KSR2: variants seen among roughly 807,000 people sequenced by gnomAD.
The protein encoded by KSR2 is kinase suppressor of ras 2.
KSR2 carries 25 observed loss-of-function variants against 107.8 expected under a neutral mutation model. That is an observed-to-expected ratio of 0.23 (90% confidence interval 0.17 to 0.32). The LOEUF is 0.32. Ranked by LOEUF, KSR2 falls within the 10% of genes least tolerant of loss-of-function variation. The pLI, the probability that KSR2 is intolerant of heterozygous loss-of-function variation, is 1.00. For missense variants in KSR2, 887 were observed against 1,268.9 expected, an observed-to-expected ratio of 0.70 and a Z score of 4.57; for synonymous variants, 480 against 507.0, an observed-to-expected ratio of 0.95 and a Z score of 0.71.
intron 3 of KSR2, among the ~76,000 whole-genome samples, chr12:117,761,989 A>T (rs1378647564): frequency 2.0e-5 from 3 of 152,168 alleles, no homozygotes; most frequent in Admixed American, 6.5e-5. Flanking sequence ...TCATAAGTAC[A>T]TTTACATAAA....
intron 5 of KSR2, among the ~76,000 whole-genome samples, chr12:117,595,011 G>A (rs891346809): frequency 2.0e-5 from 3 of 152,156 alleles, no homozygotes; most frequent in African/African-American, 7.2e-5. Context: ...TCCATCGCCT[G>A]ATACAATCCA....
chr12:117,507,491 T>C (rs1361510553), intron 14 of KSR2, among the ~76,000 whole-genome samples: 1 of 152,198 alleles, frequency 6.6e-6, no homozygotes, highest in Non-Finnish European at 1.5e-5. Flanking sequence ...AAATGTCAAA[T>C]TCAGACTGGA....
chr12:117,947,205 A>AAAAGAAAG (rs773449400), intron 1 of KSR2, among the ~76,000 whole-genome samples: 2,391 of 69,022 alleles, frequency 0.035, 49 homozygotes, highest in East Asian at 0.095. Context: ...GAAAAGAAAG[A>AAAAGAAAG]AAAGAAAGAA....
chr12:117,538,819 C>T (rs1876241977), intron 10 of KSR2, among the ~76,000 whole-genome samples: 1 of 152,190 alleles, frequency 6.6e-6, no homozygotes, highest in Admixed American at 6.5e-5. Flanking sequence ...GACTCTGGTT[C>T]CAACTGGCCA....
intron 14 of KSR2, among the ~76,000 whole-genome samples, chr12:117,524,370 A>C (rs909302481): frequency 1.3e-5 from 2 of 152,198 alleles, no homozygotes; most frequent in African/African-American, 4.8e-5. Context: ...TAGCATTAAA[A>C]ATATTTTCTG....
chr12:117,909,979 G>A (rs184902026), intron 1 of KSR2, among the ~76,000 whole-genome samples: 1 of 152,240 alleles, frequency 6.6e-6, no homozygotes, highest in East Asian at 1.9e-4. Flanking sequence ...TATAATCCCA[G>A]TACTTTGGGA....
chr12:117,529,014 G>A (rs755340232), intron 12 of KSR2, among the ~76,000 whole-genome samples: 3 of 152,124 alleles, frequency 2.0e-5, no homozygotes, highest in Admixed American at 6.5e-5. Flanking sequence ...CATATCCCCC[G>A]GCAAGTTGCT....
intron 10 of KSR2, among the ~76,000 whole-genome samples, chr12:117,532,044 T>C (rs1391598646): frequency 6.6e-6 from 1 of 152,184 alleles, no homozygotes; most frequent in Non-Finnish European, 1.5e-5. Flanking sequence ...ATCCAAAATA[T>C]TAATTTTTTC....
At chr12:117,931,693 T>C (rs1193793513) in intron 1 of KSR2, among the ~76,000 whole-genome samples, 1 of 152,108 alleles carries the variant, frequency 6.6e-6, no homozygotes, top group African/African-American at 2.4e-5. Flanking sequence ...GCCCAAACCA[T>C]AGGAACAATA....
At chr12:117,806,758 A>C (rs1369135341) in intron 3 of KSR2, among the ~76,000 whole-genome samples, 4 of 152,200 alleles carry the variant, frequency 2.6e-5, no homozygotes, top group Non-Finnish European at 5.9e-5. Flanking sequence ...GGAATCCTGC[A>C]GTACAAGCCC....
intron 1 of KSR2, among the ~76,000 whole-genome samples, chr12:117,917,310 G>A (rs1367223474): frequency 6.6e-6 from 1 of 152,210 alleles, no homozygotes; most frequent in East Asian, 1.9e-4. Flanking sequence ...GAATGCTGAG[G>A]CAGGAGGATC....
intron 3 of KSR2, among the ~76,000 whole-genome samples, chr12:117,792,038 T>G (rs968918988): frequency 6.6e-6 from 1 of 152,138 alleles, no homozygotes. Context: ...GGAGCAATGA[T>G]AAAGCATTGC....
rs1030228267 is a variant in KSR2 at position 117,948,610 on chromosome 12, C to T, written c.180+19466G>A. On this transcript the variant is annotated intron_variant, in intron 1 of 19. Coordinates refer to ENST00000339824, the MANE Select transcript of KSR2 (RefSeq NM_173598.6). ...TCCAGAAGTAGACTATAAATACAGA[C>T]AATTAATTTCTTACAAAGGTGTAAA... 3.3e-5 allele frequency among the ~76,000 whole-genome samples: 5 copies of T among 152,056 alleles called. No individual in the cohort carries two copies. In the East Asian group the frequency reaches 5.8e-4, roughly 18 times the overall value.
At chr12:117,564,421 C>T (rs752311218) in intron 7 of KSR2, among the ~76,000 whole-genome samples, 23 of 152,200 alleles carry the variant, frequency 1.5e-4, no homozygotes, top group Non-Finnish European at 3.2e-4. Flanking sequence ...AATAGGTCAA[C>T]GCTTTAGCAG....
intron 5 of KSR2, among the ~76,000 whole-genome samples, chr12:117,663,228 G>A (rs1485882826): frequency 2.6e-5 from 4 of 152,186 alleles, no homozygotes; most frequent in East Asian, 3.9e-4. Flanking sequence ...TTTCACAACC[G>A]AGCACTGCAG....
In KSR2 at chr12:117,640,948, C is replaced by T. The variant is rs540411873; in HGVS notation, c.1171+26526G>A. On this transcript the variant is annotated intron_variant, in intron 5 of 19. Coordinates refer to ENST00000339824, the MANE Select transcript of KSR2 (RefSeq NM_173598.6). ...TCACTGGGAAACGGACTCATTAGCA[C>T]GCCACTTGCTGAGTCAAGGCTGAAG... is the stretch of plus-strand genomic sequence containing the variant. Among the ~76,000 whole-genome samples, 349 of 152,276 alleles carry T rather than the reference C, an allele frequency of 2.3e-3. 1 individual carries two copies. Among genetic ancestry groups the T allele is most frequent in the Non-Finnish European group, 5.4e-4 (37 of 68,032 alleles).
At position 117,471,393 on chromosome 12, in the gene KSR2, C is replaced by T. The variant is rs1871450149; in HGVS notation, c.2583-73G>A. 9 of 1,484,390 alleles carry T rather than the reference C, an allele frequency of 6.1e-6. No individual in the cohort carries two copies. The South Asian group carries it at 7.9e-5, about 13-fold the overall frequency. 92.0% of individuals were successfully genotyped at this position (1,484,390 alleles called of 1,614,324 possible). ...CAACCTTGTACCTCCATTATTAGCACACACCCACCCAGCCAGTCTCCTGGC... is the reference window on the plus strand; with the variant it reads ...CAACCTTGTACCTCCATTATTAGCATACACCCACCCAGCCAGTCTCCTGGC... On this transcript the variant is annotated intron_variant, in intron 17 of 19. Coordinates refer to ENST00000339824, the MANE Select transcript of KSR2 (RefSeq NM_173598.6).
intron 4 of KSR2, among the ~76,000 whole-genome samples, chr12:117,731,685 T>C (rs1371435147): frequency 3.4e-4 from 51 of 152,182 alleles, no homozygotes; most frequent in Admixed American, 1.2e-3. Context: ...TTTTGTTCTG[T>C]ACTAAGAAAA....
intron 1 of KSR2, among the ~76,000 whole-genome samples, chr12:117,958,804 G>A (rs1488510099): frequency 1.3e-5 from 2 of 152,322 alleles, no homozygotes; most frequent in Middle Eastern, 3.4e-3. Flanking sequence ...CTGGGTGACA[G>A]AGTGAGACTC....
Sources: gnomAD v4.1 joint callset for allele counts (sites outside exome capture counted in the v4.1 genomes callset) on GRCh38, gnomAD v4.1.1 for gene constraint, MANE v1.5 for transcripts, NCBI Gene and HGNC (gene_info 2026-07-23, HGNC 2026-07-21) for gene names.